Variants in FLVCR2 observed in about 807,000 individuals in gnomAD.
FLVCR2 encodes FLVCR choline and putative heme transporter 2.
A neutral mutation model predicts 48.9 loss-of-function variants in FLVCR2; 38 were observed. The ratio of observed to expected loss-of-function variants is 0.78; its 90% CI spans 0.60 to 1.02. FLVCR2 has a LOEUF of 1.02. FLVCR2 is among the 50% of genes least tolerant of loss of function. The pLI is 0.00. For synonymous variants in FLVCR2, 255 were observed against 257.0 expected, an observed-to-expected ratio of 0.99 and a Z score of 0.07; for missense variants, 664 against 663.3, an observed-to-expected ratio of 1.00 and a Z score of -0.01.
chr14:75,583,894 T>A (rs1203115335), intron 1 of FLVCR2, among the ~76,000 whole-genome samples: 1 of 152,188 alleles, frequency 6.6e-6, no homozygotes, highest in Non-Finnish European at 1.5e-5. Flanking sequence ...AAGCTCAGTG[T>A]CTGTGACGGT....
chr14:75,584,602 A>G (rs1478548372), intron 1 of FLVCR2, among the ~76,000 whole-genome samples: 1 of 151,956 alleles, frequency 6.6e-6, no homozygotes, highest in African/African-American at 2.4e-5. Context: ...ATGTAATCTC[A>G]CCTATCTATA....
intron 1 of FLVCR2, among the ~76,000 whole-genome samples, chr14:75,614,819 A>C (rs1011394894): frequency 6.6e-6 from 1 of 152,192 alleles, no homozygotes; most frequent in Non-Finnish European, 1.5e-5. Context: ...CACATCTTAC[A>C]TGGTGGTAGG....
chr14:75,581,051 G>A (rs1888588908), intron 1 of FLVCR2, among the ~76,000 whole-genome samples: 1 of 151,772 alleles, frequency 6.6e-6, no homozygotes, highest in African/African-American at 2.4e-5. Context: ...CTTCGAGCGG[G>A]ATTAGGGGCA....
intron 5 of FLVCR2, among the ~76,000 whole-genome samples, chr14:75,636,967 GGAA>G (rs1488004070): frequency 2.0e-5 from 3 of 152,252 alleles, no homozygotes; most frequent in African/African-American, 7.2e-5. Context: ...AGAGTTGGTA[GGAA>G]GAGTGTGAGG....
chr14:75,579,141 G>A lies in FLVCR2; in HGVS notation c.169G>A (p.Ala57Thr). Residue 57 changes from alanine (A) to threonine (T), a missense_variant, in exon 1 of 10, where the codon GCC (alanine) becomes ACC (threonine). Coordinates refer to ENST00000238667, the MANE Select transcript of FLVCR2 (RefSeq NM_017791.3). Reference sequence around the variant, plus strand: ...CCCCAGCAGTTCGGCCCACCCCAGTGCCTTAGCCCAACCCAGTGGCTTGGC... The same window carrying A: ...CCCCAGCAGTTCGGCCCACCCCAGTACCTTAGCCCAACCCAGTGGCTTGGC... ...VHPSSSAHPS[A>T]LAQPSGLAHP... The A allele has an allele frequency of 6.2e-7, 1 of 1,614,178 alleles. No homozygotes were observed.
At chr14:75,645,658 C>T (rs1321183204) in intron 9 of FLVCR2, among the ~76,000 whole-genome samples, 2 of 152,168 alleles carry the variant, frequency 1.3e-5, no homozygotes, top group Non-Finnish European at 2.9e-5. Flanking sequence ...TGGGTCACGC[C>T]TGTAATCCCA....
In FLVCR2 at chr14:75,624,680, G is replaced by A; in HGVS notation, c.880G>A (p.Asp294Asn). The A allele has an allele frequency of 4.3e-6, 7 of 1,614,066 alleles. No homozygotes were observed. The highest frequency in any genetic ancestry group is 5.9e-6 in the Non-Finnish European group (7 of 1,180,008). Reference protein sequence around the residue: ...QSLSYALTSPDASYLGSIARL... With the variant: ...QSLSYALTSPNASYLGSIARL... ...CCTGAGCTATGCCTTGACCTCTCCT[G>A]ATGCCTCATACTTAGGTTCCATCGC... Residue 294 changes from aspartate (D) to asparagine (N), a missense_variant, in exon 3 of 10, where the codon GAT (aspartate) becomes AAT (asparagine). By Grantham distance (23) the Asp-to-Asn change is conservative. Transcript: ENST00000238667.
At position 75,589,321 on chromosome 14, in the gene FLVCR2, G is replaced by C. The variant is rs149050834; in HGVS notation, c.669+9680G>C. Among the ~76,000 whole-genome samples the C allele has an allele frequency of 2.0e-5, 3 of 152,340 alleles. No homozygotes were observed. In the East Asian group the frequency reaches 5.8e-4, roughly 29 times the overall value. Reference sequence around the variant, plus strand: ...CATACCAAAAAGGAGAAATAGGCAAGAAGAAAAGGGTAACTGGTCCCAATT... The same window carrying C: ...CATACCAAAAAGGAGAAATAGGCAACAAGAAAAGGGTAACTGGTCCCAATT... On this transcript the variant is annotated intron_variant, in intron 1 of 9. Coordinates refer to ENST00000238667, the MANE Select transcript of FLVCR2 (RefSeq NM_017791.3).
rs1890125617 is a variant in FLVCR2, at chr14:75,634,798, A to G, written c.1021-112A>G. The stretch of plus-strand genomic sequence containing the variant: ...TTGTCCCGATATGTTCTGAATATTG[A>G]CTCTGATGGAGCTTGAGTTACCTGC... On this transcript the variant is annotated intron_variant, in intron 4 of 9. Coordinates refer to ENST00000238667, the MANE Select transcript of FLVCR2 (RefSeq NM_017791.3). The G allele has an allele frequency of 6.9e-6, 5 of 723,944 alleles. No individual in the cohort carries two copies. In the Admixed American group the frequency reaches 8.1e-5, roughly 12 times the overall value. 44.8% of individuals were successfully genotyped at this position (723,944 alleles called of 1,614,324 possible). A position where few individuals can be genotyped will look rare whatever the true frequency, so the allele number is the denominator to read the frequency against.
intron 1 of FLVCR2, among the ~76,000 whole-genome samples, chr14:75,586,409 G>A (rs1434445325): frequency 6.6e-6 from 1 of 152,182 alleles, no homozygotes; most frequent in Non-Finnish European, 1.5e-5. Context: ...TTTCACTTTT[G>A]TGGATCTTCA....
chr14:75,619,332 G>A (rs577066617), intron 1 of FLVCR2, among the ~76,000 whole-genome samples: 1 of 152,120 alleles, frequency 6.6e-6, no homozygotes, highest in Admixed American at 6.5e-5. Context: ...GATACACTAG[G>A]GTATCCTACC....
In FLVCR2 at chr14:75,578,625, A is replaced by C. The variant is rs1888510330; in HGVS notation, c.-348A>C. The C allele has an allele frequency of 1.1e-5, 4 of 376,316 alleles. No individual in the cohort carries two copies. The highest frequency in any genetic ancestry group is 2.0e-5 in the Non-Finnish European group (4 of 199,202). The allele number at this position is 376,316 out of a possible 1,614,324, so 23.3% of individuals were successfully genotyped here. A position where few individuals can be genotyped will look rare whatever the true frequency, so the allele number is the denominator to read the frequency against. On this transcript the variant is annotated 5_prime_UTR_variant, in exon 1 of 10. Transcript: ENST00000238667. ...AGGCCCCAAGCTGGCCCGGGAGAGG[A>C]CTCTGCGGGCGAAGTGGCTGCGCAA...
chr14:75,601,154 C>T (rs993161445), intron 1 of FLVCR2, among the ~76,000 whole-genome samples: 1 of 152,220 alleles, frequency 6.6e-6, no homozygotes, highest in Non-Finnish European at 1.5e-5. Context: ...AAAAGTATCC[C>T]ATATGGGAAA....
intron 1 of FLVCR2, among the ~76,000 whole-genome samples, chr14:75,581,435 A>G (rs1321466729): frequency 1.3e-5 from 2 of 152,142 alleles, no homozygotes; most frequent in East Asian, 3.8e-4. Context: ...CCGTTAGTCC[A>G]TTCTACCTTT....
At chr14:75,592,557 C>G (rs572020028) in intron 1 of FLVCR2, among the ~76,000 whole-genome samples, 17 of 152,356 alleles carry the variant, frequency 1.1e-4, no homozygotes, top group African/African-American at 4.1e-4. Flanking sequence ...CTTTCATTCT[C>G]TACCACTTGG....
chr14:75,622,278 C>T, intron 2 of FLVCR2, 58 bp downstream of exon 2: 2 of 1,548,104 alleles, frequency 1.3e-6, no homozygotes, highest in Non-Finnish European at 8.9e-7. Context: ...GGAGATTCTG[C>T]TGACTTTGAT....
At chr14:75,595,471 G>C (rs559341210) in intron 1 of FLVCR2, among the ~76,000 whole-genome samples, 68 of 152,344 alleles carry the variant, frequency 4.5e-4, no homozygotes, top group African/African-American at 1.6e-3. Flanking sequence ...AGTTTCTGAG[G>C]TTGACTTGGG....
intron 1 of FLVCR2, among the ~76,000 whole-genome samples, chr14:75,582,386 T>C (rs954481061): frequency 6.6e-6 from 1 of 152,178 alleles, no homozygotes; most frequent in Non-Finnish European, 1.5e-5. Flanking sequence ...GCAATGAGTT[T>C]GGCTTGCTGA....
chr14:75,616,047 A>AG (rs1889607436), intron 1 of FLVCR2, among the ~76,000 whole-genome samples: 1 of 148,260 alleles, frequency 6.7e-6, no homozygotes, highest in African/African-American at 2.5e-5. Context: ...AAAAAAAAAA[A>AG]ATAGCGTAAG....
Sources: gnomAD v4.1 joint callset for allele counts (sites outside exome capture counted in the v4.1 genomes callset) on GRCh38, gnomAD v4.1.1 for gene constraint, MANE v1.5 for transcripts, NCBI Gene and HGNC (gene_info 2026-07-23, HGNC 2026-07-21) for gene names.